The following MAF variants were observed in gnomAD, a reference collection of about 807,000 sequenced individuals.
The protein encoded by MAF is transcription factor Maf.
A neutral mutation model predicts 22.0 loss-of-function variants in MAF; 10 were observed. That is an observed-to-expected ratio of 0.45 (90% CI 0.28 to 0.77). The LOEUF is 0.77. MAF is among the 30% of genes least tolerant of loss of function. The pLI is 0.12. For missense variants in MAF, 544 were observed against 548.4 expected, an observed-to-expected ratio of 0.99 and a Z score of 0.08; for synonymous variants, 337 against 255.8, an observed-to-expected ratio of 1.32 and a Z score of -3.03.
the MAF span, among the ~76,000 whole-genome samples, chr16:79,342,954 T>C: frequency 6.6e-6 from 1 of 152,150 alleles, no homozygotes; most frequent in African/African-American, 2.4e-5. Flanking sequence ...AAAAGGAAGA[T>C]GTGCAAATCT....
chr16:79,268,012 G>C, the MAF span, among the ~76,000 whole-genome samples: 4 of 152,238 alleles, frequency 2.6e-5, no homozygotes, highest in East Asian at 7.7e-4. Context: ...AGAGCTGTCC[G>C]GGTGGCACTG....
chr16:79,570,640 G>C, the MAF span, among the ~76,000 whole-genome samples: 1 of 152,182 alleles, frequency 6.6e-6, no homozygotes, highest in Non-Finnish European at 1.5e-5. Flanking sequence ...GGCTCTATGG[G>C]TGGGTCAGGA....
the MAF span, among the ~76,000 whole-genome samples, chr16:79,364,768 G>C: frequency 1.3e-5 from 2 of 152,170 alleles, no homozygotes; most frequent in African/African-American, 4.8e-5. Flanking sequence ...CTATGCCTGT[G>C]GGATCTTCCC....
chr16:79,397,245 C>T, the MAF span, among the ~76,000 whole-genome samples: 3 of 152,196 alleles, frequency 2.0e-5, no homozygotes, highest in Admixed American at 2.0e-4. Context: ...TGCACTGAGT[C>T]TTTACCGTGG....
the MAF span, among the ~76,000 whole-genome samples, chr16:79,444,675 G>C: frequency 6.6e-6 from 1 of 152,198 alleles, no homozygotes; most frequent in Non-Finnish European, 1.5e-5. Flanking sequence ...CAGAGGCCTC[G>C]TCCCTTGGAC....
At chr16:79,476,640 GA>G in the MAF span, among the ~76,000 whole-genome samples, 1 of 152,280 alleles carries the variant, frequency 6.6e-6, no homozygotes, top group South Asian at 2.1e-4. Context: ...TCACTCCTAA[GA>G]AAGTTGTGAG....
At chr16:79,352,246 C>T in the MAF span, among the ~76,000 whole-genome samples, 6 of 152,170 alleles carry the variant, frequency 3.9e-5, no homozygotes, top group Non-Finnish European at 7.3e-5. Flanking sequence ...AATAATGTCA[C>T]GGGGAGACTC....
At chr16:79,565,509 G>GT in the MAF span, among the ~76,000 whole-genome samples, 9 of 152,096 alleles carry the variant, frequency 5.9e-5, no homozygotes, top group Middle Eastern at 3.4e-3. Context: ...CGTGTTGTGG[G>GT]GGGGGGGACC....
the MAF span, among the ~76,000 whole-genome samples, chr16:79,295,001 C>T: frequency 6.6e-6 from 1 of 151,942 alleles, no homozygotes; most frequent in Non-Finnish European, 1.5e-5. Flanking sequence ...TCTACTTCCC[C>T]CTAGAGCAGG....
the MAF span, among the ~76,000 whole-genome samples, chr16:79,460,704 T>A: frequency 2.6e-5 from 4 of 152,200 alleles, no homozygotes; most frequent in African/African-American, 4.8e-5. Flanking sequence ...AGGGTTATAT[T>A]TTGAACCTAC....
chr16:79,416,104 G>A, the MAF span, among the ~76,000 whole-genome samples: 76 of 152,110 alleles, frequency 5.0e-4, no homozygotes, highest in Admixed American at 1.5e-3. Context: ...TGGGTGGGCT[G>A]CAGCTGCTGT....
At chr16:79,217,914 G>C in the MAF span, among the ~76,000 whole-genome samples, 1 of 133,784 alleles carries the variant, frequency 7.5e-6, no homozygotes, top group Non-Finnish European at 1.5e-5. Context: ...TCAACACTAG[G>C]CCAGAAAGAC....
the MAF span, among the ~76,000 whole-genome samples, chr16:79,290,466 G>C: frequency 1.3e-5 from 2 of 152,180 alleles, no homozygotes; most frequent in Admixed American, 1.3e-4. Context: ...CTGAGAGTCA[G>C]AATCATCTTT....
chr16:79,209,635 A>G, the MAF span, among the ~76,000 whole-genome samples: 1 of 152,214 alleles, frequency 6.6e-6, no homozygotes, highest in Non-Finnish European at 1.5e-5. Context: ...AATATATGAC[A>G]GATATCTGGA....
the MAF span, among the ~76,000 whole-genome samples, chr16:79,415,660 G>GCT: frequency 2.0e-5 from 3 of 151,810 alleles, no homozygotes; most frequent in Non-Finnish European, 4.4e-5. Context: ...TGACAGCTCT[G>GCT]CTCTCTCTCT....
the MAF span, among the ~76,000 whole-genome samples, chr16:79,575,635 G>A: frequency 6.6e-6 from 1 of 152,224 alleles, no homozygotes; most frequent in Admixed American, 6.5e-5. Context: ...GAGAAGGCCT[G>A]CCTGCTTTCT....
At chr16:79,402,438 C>G in the MAF span, among the ~76,000 whole-genome samples, 1 of 152,200 alleles carries the variant, frequency 6.6e-6, no homozygotes, top group Non-Finnish European at 1.5e-5. Flanking sequence ...TCAGAGGCTA[C>G]AAGCATTCTT....
the MAF span, among the ~76,000 whole-genome samples, chr16:79,230,250 G>T: frequency 1.3e-5 from 2 of 152,112 alleles, no homozygotes; most frequent in Admixed American, 1.3e-4. Flanking sequence ...AGCTCTCTTT[G>T]GCATTCTGGG....
the MAF span, among the ~76,000 whole-genome samples, chr16:79,221,069 G>A: frequency 6.6e-6 from 1 of 152,230 alleles, no homozygotes; most frequent in Non-Finnish European, 1.5e-5. Flanking sequence ...CGTTTTGCCA[G>A]CCTTTTGATA....
Sources: gnomAD v4.1 joint callset for allele counts (sites outside exome capture counted in the v4.1 genomes callset) on GRCh38, gnomAD v4.1.1 for gene constraint, MANE v1.5 for transcripts, NCBI Gene and HGNC (gene_info 2026-07-23, HGNC 2026-07-21) for gene names.